The following NEMF variants were observed in gnomAD, a reference collection of about 807,000 sequenced individuals.
NEMF encodes the protein nuclear export mediator factor.
Under a neutral mutation model 162.2 loss-of-function variants are expected in NEMF, and 89 were observed. The observed-to-expected ratio is 0.55, with a 90% CI of 0.46 to 0.65. The LOEUF is 0.65. Ranked by LOEUF, NEMF falls within the 30% of genes least tolerant of loss-of-function variation. The pLI is 0.00. For synonymous variants in NEMF, 421 were observed against 404.5 expected, an observed-to-expected ratio of 1.04 and a Z score of -0.49; for missense variants, 1,133 against 1,261.9, an observed-to-expected ratio of 0.90 and a Z score of 1.55.
chr14:49,851,990 C>G (rs983453334), intron 1 of NEMF, 115 bp from the exon 2 acceptor site: 15 of 639,714 alleles, frequency 2.3e-5, no homozygotes, highest in Non-Finnish European at 3.2e-5. Flanking sequence ...GATATGGAGT[C>G]AGCCGAGGAG....
chr14:49,789,096 G>A, intron 28 of NEMF, 50 bp downstream of exon 28: 7 of 1,471,616 alleles, frequency 4.8e-6, no homozygotes, highest in Non-Finnish European at 6.6e-6. Flanking sequence ...GGAACTCCAG[G>A]ATGGGTAATC....
chr14:49,805,908 CAA>C lies in NEMF; in HGVS notation c.1857+111_1857+112del, dbSNP rs1891165561. 7.3e-6 allele frequency: 4 copies of C among 547,648 alleles called. No homozygotes were observed. The East Asian group carries it at 9.4e-5, about 13-fold the overall frequency. The allele number at this position is 547,648 out of a possible 1,614,324, so 33.9% of individuals were successfully genotyped here. ...ACATTATGTACATATTTTCCTCTACCAAAAAGAGTTAGCTCTATTGAGCCTTG... is the reference window on the plus strand; with the variant it reads ...ACATTATGTACATATTTTCCTCTACCAAAGAGTTAGCTCTATTGAGCCTTG... On this transcript the variant is annotated intron_variant, in intron 19 of 32. Transcript: ENST00000298310.
rs547911537 is a variant in NEMF, at chr14:49,840,620, T to C, written c.506+98A>G. The C allele has an allele frequency of 7.1e-6, 7 of 982,246 alleles. No homozygotes were observed. The African/African-American group carries it at 8.3e-5, about 12-fold the overall frequency. 60.8% of individuals were successfully genotyped at this position (982,246 alleles called of 1,614,324 possible). A position where few individuals can be genotyped will look rare whatever the true frequency, so the allele number is the denominator to read the frequency against. The stretch of plus-strand genomic sequence containing the variant: ...CACAGTTCTTTCACGTTCTGACATA[T>C]GACCCATTTTACCTTTTTTTTAAGA... On this transcript the variant is annotated intron_variant, in intron 5 of 32. Coordinates refer to ENST00000298310, the MANE Select transcript of NEMF (RefSeq NM_004713.6).
At position 49,800,490 on chromosome 14, in the gene NEMF, T is replaced by G; in HGVS notation, c.2302A>C (p.Lys768Gln). The G allele has an allele frequency of 6.2e-7, 1 of 1,613,936 alleles. No individual in the cohort carries two copies. Among genetic ancestry groups the G allele is most frequent in the Non-Finnish European group, 8.5e-7 (1 of 1,179,840 alleles). The change falls in exon 23 of 33, where the codon AAG (lysine) becomes CAG (glutamine). Residue 768 changes from lysine (K) to glutamine (Q), a missense_variant. Physicochemically the swap from Lys to Gln is moderately conservative, Grantham distance 53. Around this residue, in one of 3 missense-constraint regions of NEMF, gnomAD observed 532 missense variants for 578.6 expected, o/e 0.92. Coordinates refer to ENST00000298310, the MANE Select transcript of NEMF (RefSeq NM_004713.6). ...TTTAATGTCTCTTCCCCTTCATCCT[T>G]CATTTCACCAACAGAATCCTGATCT... ...RKDQDSVGEM[K>Q]DEGEETLNYP...
At chr14:49,807,465 C>G (rs528362444) in intron 18 of NEMF, among the ~76,000 whole-genome samples, 1 of 152,190 alleles carries the variant, frequency 6.6e-6, no homozygotes, top group Non-Finnish European at 1.5e-5. Flanking sequence ...CTTCCCACAG[C>G]AGCTGTATCA....
intron 25 of NEMF, among the ~76,000 whole-genome samples, chr14:49,798,900 C>G (rs1444071287): frequency 2.0e-5 from 3 of 151,436 alleles, no homozygotes; most frequent in Admixed American, 6.6e-5. Flanking sequence ...GAGCGAGACT[C>G]CATCTCAAAA....
chr14:49,808,168 TTTTA>T (rs1337310239), intron 18 of NEMF, among the ~76,000 whole-genome samples: 2 of 151,820 alleles, frequency 1.3e-5, no homozygotes, highest in African/African-American at 2.4e-5. Flanking sequence ...TGGATTAAGG[TTTTA>T]TTTATTTATT....
Position 49,782,615 on chromosome 14 carries a change from C to A in NEMF, c.*2021G>T. 1 of 1,566,966 alleles carries A rather than the reference C, an allele frequency of 6.4e-7. No individual in the cohort carries two copies. Among genetic ancestry groups the A allele is most frequent in the South Asian group, 1.2e-5 (1 of 86,872 alleles). ...GTACGGTAAGTAACTTTGTACTTGG[C>A]ACTTAGATTATTTAAAATTGTGTTT... On this transcript the variant is annotated 3_prime_UTR_variant, in exon 33 of 33. Transcript: ENST00000298310.
At chr14:49,834,536 C>T in intron 6 of NEMF, 87 bp from the exon 7 acceptor site, 1 of 944,246 alleles carries the variant, frequency 1.1e-6, no homozygotes, top group South Asian at 1.5e-5. Context: ...TACCCGTCGC[C>T]CAGGCCGGAG....
rs374361406 is a variant in NEMF at position 49,828,368 on chromosome 14, T to C, written c.1425-14A>G. 3.7e-5 allele frequency: 56 copies of C among 1,499,302 alleles called. No homozygotes were observed. The African/African-American group carries it at 7.1e-4, about 19-fold the overall frequency. The allele number at this position is 1,499,302 out of a possible 1,614,324, so 92.9% of individuals were successfully genotyped here. ...TGATCATAATACCTAGAAAAACATA[T>C]TTCTCTTAAATTTTAAGTATAATAT... is the stretch of plus-strand genomic sequence containing the variant. On this transcript the variant is annotated splice_polypyrimidine_tract_variant and intron_variant, in intron 14 of 32. Coordinates refer to ENST00000298310, the MANE Select transcript of NEMF (RefSeq NM_004713.6).
At chr14:49,826,777 T>C (rs1325186516) in intron 15 of NEMF, among the ~76,000 whole-genome samples, 1 of 151,854 alleles carries the variant, frequency 6.6e-6, no homozygotes, top group African/African-American at 2.4e-5. Flanking sequence ...CCAGAAAAAA[T>C]ATTCAAATAA....
intron 18 of NEMF, among the ~76,000 whole-genome samples, chr14:49,807,293 C>T (rs1409655309): frequency 6.6e-6 from 1 of 152,158 alleles, no homozygotes; most frequent in African/African-American, 2.4e-5. Flanking sequence ...AATTGAATGA[C>T]ATATGGATTG....
intron 1 of NEMF, among the ~76,000 whole-genome samples, chr14:49,852,172 A>C (rs964943292): frequency 3.5e-3 from 32 of 9,268 alleles, no homozygotes; most frequent in African/African-American, 3.8e-3. Context: ...ATTACAAGGG[A>C]GAAAAAAAAA....
At chr14:49,847,033 G>A (rs1321283976) in intron 3 of NEMF, among the ~76,000 whole-genome samples, 1 of 152,010 alleles carries the variant, frequency 6.6e-6, no homozygotes, top group East Asian at 1.9e-4. Flanking sequence ...TTACAGGCGT[G>A]TGCCACCACA....
Position 49,840,759 on chromosome 14 carries a change from A to C in NEMF, c.465T>G (p.Leu155=), listed in dbSNP as rs1401030989. Residue 155 remains leucine, a synonymous_variant, in exon 5 of 33, where the codon CTT becomes CTG. Coordinates refer to ENST00000298310, the MANE Select transcript of NEMF (RefSeq NM_004713.6). Reference sequence around the variant, plus strand: ...AAGGTTCAGCAGCTCTAGCATGATCAAGTGGATAGCGTTCACGAACAGCAA... The same window carrying C: ...AAGGTTCAGCAGCTCTAGCATGATCCAGTGGATAGCGTTCACGAACAGCAA... The part of the protein sequence containing the change: ...VKFAVRERYP[L]DHARAAEPLL... 5 of 1,614,078 alleles carry C rather than the reference A, an allele frequency of 3.1e-6. No individual in the cohort carries two copies. The South Asian group carries it at 5.5e-5, about 18-fold the overall frequency.
chr14:49,834,272 A>G (rs1892787762), intron 7 of NEMF, 91 bp downstream of exon 7: 4 of 818,014 alleles, frequency 4.9e-6, no homozygotes, highest in Non-Finnish European at 8.1e-6. Flanking sequence ...TTTTCATTCT[A>G]GAACCACCTG....
intron 16 of NEMF, among the ~76,000 whole-genome samples, chr14:49,819,367 T>C (rs1369335775): frequency 1.3e-5 from 2 of 150,334 alleles, no homozygotes; most frequent in East Asian, 1.9e-4. Flanking sequence ...TATGCATATG[T>C]ATATAATAAA....
intron 7 of NEMF, 95 bp from the exon 8 acceptor site, chr14:49,833,591 C>A (rs760647051): frequency 2.7e-6 from 2 of 729,838 alleles, no homozygotes; most frequent in Non-Finnish European, 2.2e-6. Context: ...AAAGTGCTTA[C>A]AAAATAATGT....
chr14:49,796,719 G>GTA (rs1385760328), intron 25 of NEMF, among the ~76,000 whole-genome samples: 3 of 152,098 alleles, frequency 2.0e-5, no homozygotes, highest in Non-Finnish European at 4.4e-5. Context: ...ACTTTAAAGG[G>GTA]TATAGTCCAA....
Sources: allele counts gnomAD v4.1 joint callset (sites outside exome capture counted in the v4.1 genomes callset), GRCh38; gene constraint gnomAD v4.1.1; regional missense constraint gnomAD v4.1.1; transcripts MANE v1.5; gene names NCBI Gene and HGNC (gene_info 2026-07-23, HGNC 2026-07-21).